Variants in EXOC2 observed in about 807,000 individuals in gnomAD.
EXOC2 encodes the protein SEC5-like 1.
EXOC2 carries 70 observed loss-of-function variants against 131.8 expected under a neutral mutation model. The ratio of observed to expected loss-of-function variants is 0.53; its 90% CI spans 0.44 to 0.65. The LOEUF (loss-of-function observed/expected upper bound fraction) is 0.65. EXOC2 is among the 30% of genes least tolerant of loss of function. The pLI, the probability that EXOC2 is intolerant of heterozygous loss-of-function variation, is 0.00. For synonymous variants in EXOC2, 411 were observed against 398.4 expected (o/e 1.03, Z -0.38); for missense variants, 923 against 1,108.6 (o/e 0.83, Z 2.38).
In EXOC2 at chr6:549,245, C is replaced by A; in HGVS notation, c.2168G>T (p.Arg723Leu). 6.2e-7 allele frequency: 1 copy of A among 1,614,148 alleles called. No individual in the cohort carries two copies. The highest frequency in any genetic ancestry group is 1.1e-5 in the South Asian group (1 of 91,078). The change falls in exon 22 of 28, where the codon CGT becomes CTT. Residue 723 changes from arginine to leucine, a missense_variant. Transcript: ENST00000230449. ...IVLSNCCYLE[R>L]HTFLNIAEHF... is the part of the protein sequence containing the mutation. The stretch of plus-strand genomic sequence containing the variant: ...TTCTGCGATATTTAGGAAGGTGTGA[C>A]GTTCTAGATAGCAGCAATTACTTAG...
At chr6:605,217 A>G (rs3863219) in intron 7 of EXOC2, among the ~76,000 whole-genome samples, 13,608 of 152,252 alleles carry the variant, frequency 0.089, 1,040 homozygotes, top group African/African-American at 0.21. Flanking sequence ...GTGCAGGGCT[A>G]TGACAGGGGC....
intron 11 of EXOC2, among the ~76,000 whole-genome samples, chr6:582,132 T>C (rs1758940306): frequency 6.6e-6 from 1 of 152,194 alleles, no homozygotes; most frequent in South Asian, 2.1e-4. Context: ...CGAGACTCTA[T>C]AGAAAATGCT....
chr6:547,520 G>C (rs1253085985), intron 22 of EXOC2, among the ~76,000 whole-genome samples: 1 of 152,184 alleles, frequency 6.6e-6, no homozygotes, highest in Admixed American at 6.5e-5. Context: ...GATGCCCCTA[G>C]AATTATTTGT....
intron 11 of EXOC2, among the ~76,000 whole-genome samples, chr6:586,747 G>A (rs1333773471): frequency 1.3e-5 from 2 of 151,886 alleles, no homozygotes; most frequent in Non-Finnish European, 2.9e-5. Flanking sequence ...CTGGTCTGGA[G>A]GGAGTGTGAT....
intron 10 of EXOC2, 25 bp from the exon 11 acceptor site, chr6:592,612 G>A (rs766824535): frequency 1.2e-5 from 18 of 1,555,328 alleles, no homozygotes; most frequent in Non-Finnish European, 1.6e-5. Context: ...CCAAGGTTGA[G>A]GCCAAAGGGA....
At chr6:529,117 C>CG (rs780473191) in intron 23 of EXOC2, among the ~76,000 whole-genome samples, 2 of 14,416 alleles carry the variant, frequency 1.4e-4, no homozygotes, top group East Asian at 1.2e-3. Context: ...CTGCCTTTTA[C>CG]CCCCCCCCGC....
At chr6:591,802 A>C (rs1181604278) in intron 11 of EXOC2, among the ~76,000 whole-genome samples, 2 of 152,106 alleles carry the variant, frequency 1.3e-5, no homozygotes, top group Non-Finnish European at 2.9e-5. Context: ...TACAAACAAA[A>C]GCCAATACAC....
At chr6:517,639 G>GA (rs1765231730) in intron 23 of EXOC2, among the ~76,000 whole-genome samples, 5 of 152,310 alleles carry the variant, frequency 3.3e-5, no homozygotes, top group Admixed American at 3.3e-4. Context: ...ACCATTAGAT[G>GA]AAAAGTTTAT....
At chr6:589,259 T>A (rs1759392721) in intron 11 of EXOC2, among the ~76,000 whole-genome samples, 2 of 151,790 alleles carry the variant, frequency 1.3e-5, no homozygotes, top group African/African-American at 2.4e-5. Context: ...TCTAGAGAAC[T>A]GACCGTCGAG....
chr6:609,505 C>A (rs1760605070), intron 7 of EXOC2, among the ~76,000 whole-genome samples: 1 of 152,164 alleles, frequency 6.6e-6, no homozygotes, highest in Admixed American at 6.5e-5. Flanking sequence ...TAGCTGGGAC[C>A]TAGGACATCA....
chr6:524,176 A>G (rs914607353), intron 23 of EXOC2: 1 of 152,174 alleles, frequency 6.6e-6, no homozygotes, highest in Non-Finnish European at 1.5e-5. Context: ...TCATTAGGAC[A>G]TTTACGTATG....
intron 24 of EXOC2, among the ~76,000 whole-genome samples, chr6:498,054 T>C (rs897689505): frequency 6.6e-6 from 1 of 152,252 alleles, no homozygotes; most frequent in Admixed American, 6.5e-5. Context: ...AGTTACTGTC[T>C]TTGGAGATTT....
intron 2 of EXOC2, among the ~76,000 whole-genome samples, chr6:635,724 G>C (rs1762067920): frequency 6.6e-6 from 1 of 152,146 alleles, no homozygotes; most frequent in Non-Finnish European, 1.5e-5. Context: ...TGGTTTCTTG[G>C]CAATATATAA....
At chr6:531,556 T>C (rs1380140423) in intron 23 of EXOC2, among the ~76,000 whole-genome samples, 1 of 152,276 alleles carries the variant, frequency 6.6e-6, no homozygotes, top group Non-Finnish European at 1.5e-5. Context: ...TTGGCATCAC[T>C]ATACGTGAAC....
intron 22 of EXOC2, among the ~76,000 whole-genome samples, chr6:546,535 T>C (rs190633861): frequency 7.8e-4 from 119 of 152,268 alleles, no homozygotes; most frequent in African/African-American, 2.8e-3. Flanking sequence ...ACTATGTGGG[T>C]CCACTTATAC....
intron 24 of EXOC2, 21 bp downstream of exon 24, chr6:499,624 G>A: frequency 1.2e-6 from 2 of 1,602,306 alleles, no homozygotes; most frequent in South Asian, 2.2e-5. Context: ...TATCTCTTAG[G>A]AACATCTAAT....
In EXOC2 at chr6:549,360, T is replaced by G. The variant is rs1224015160; in HGVS notation, c.2122-69A>C. The G allele has an allele frequency of 5.3e-6, 6 of 1,135,652 alleles. No individual in the cohort carries two copies. In the Middle Eastern group the frequency reaches 5.9e-4, roughly 111 times the overall value. 70.3% of individuals were successfully genotyped at this position (1,135,652 alleles called of 1,614,324 possible). ...AGAGAGAATAGCTGATTAACACTTGTCAAGTTTAATTATAATCTCTGCTCT... is the reference window on the plus strand; with the variant it reads ...AGAGAGAATAGCTGATTAACACTTGGCAAGTTTAATTATAATCTCTGCTCT... On this transcript the variant is annotated intron_variant, in intron 21 of 27. Coordinates refer to ENST00000230449, the MANE Select transcript of EXOC2 (RefSeq NM_018303.6).
intron 1 of EXOC2, among the ~76,000 whole-genome samples, chr6:662,047 AACAG>A (rs927207546): frequency 6.6e-6 from 1 of 152,286 alleles, no homozygotes; most frequent in Non-Finnish European, 1.5e-5. Flanking sequence ...CAGCAGTTAA[AACAG>A]ACAAAGAGGG....
chr6:546,181 A>G lies in EXOC2; in HGVS notation c.2238+2994T>C, dbSNP rs369463864. Among the ~76,000 whole-genome samples, 10 of 152,008 alleles carry G rather than the reference A, an allele frequency of 6.6e-5. 1 individual carries two copies. The highest frequency in any genetic ancestry group is 2.1e-4 in the South Asian group (1 of 4,806). On this transcript the variant is annotated intron_variant, in intron 22 of 27. Coordinates refer to ENST00000230449, the MANE Select transcript of EXOC2 (RefSeq NM_018303.6). ...AGAATAACGGTTGGATCTTACTTTT[A>G]TAAGTTGAAAAAAAAATGCATGACT...
Sources: gnomAD v4.1 joint callset for allele counts (sites outside exome capture counted in the v4.1 genomes callset) on GRCh38, gnomAD v4.1.1 for gene constraint, MANE v1.5 for transcripts, NCBI Gene and HGNC (gene_info 2026-07-23, HGNC 2026-07-21) for gene names.